Variants in SLC15A2 observed in about 807,000 individuals in gnomAD.
The protein encoded by SLC15A2 is solute carrier family 15 member 2, also known as kidney H(+)/peptide cotransporter.
SLC15A2 carries 77 observed loss-of-function variants against 95.5 expected under a neutral mutation model. The observed-to-expected ratio is 0.81, with a 90% CI of 0.67 to 0.97. The LOEUF is 0.97. SLC15A2 is among the 50% of genes least tolerant of loss of function. The pLI is 0.00. For missense variants in SLC15A2, 893 were observed against 874.4 expected (o/e 1.02, Z -0.27); for synonymous variants, 306 against 306.9 (o/e 1.00, Z 0.03).
At chr3:121,905,892 C>T (rs1436165589) in intron 3 of SLC15A2, among the ~76,000 whole-genome samples, 1 of 152,202 alleles carries the variant, frequency 6.6e-6, no homozygotes, top group South Asian at 2.1e-4. Context: ...AGTTCATGTC[C>T]TGTATATCCT....
intron 3 of SLC15A2, among the ~76,000 whole-genome samples, chr3:121,906,288 C>G (rs1431234587): frequency 6.6e-6 from 1 of 152,202 alleles, no homozygotes; most frequent in East Asian, 1.9e-4. Context: ...ATACAGCACA[C>G]TGATGGGTCT....
At chr3:121,938,093 G>A (rs1394219250) in intron 19 of SLC15A2, among the ~76,000 whole-genome samples, 2 of 151,538 alleles carry the variant, frequency 1.3e-5, no homozygotes, top group East Asian at 3.9e-4. Context: ...CAGGGGTCAG[G>A]GACCCACTTG....
intron 19 of SLC15A2, among the ~76,000 whole-genome samples, chr3:121,936,104 G>C (rs1042179535): frequency 6.6e-6 from 1 of 152,162 alleles, no homozygotes; most frequent in East Asian, 1.9e-4. Flanking sequence ...CTGAGTTCTA[G>C]TTGGATTGAA....
rs1462467546 is a variant in SLC15A2, at chr3:121,925,757, TATATATATATATATATATATATATAA to T, written c.1124+726_1124+751del. 9.2e-4 allele frequency among the ~76,000 whole-genome samples: 78 copies of T among 85,024 alleles called. 3 individuals are homozygous for T. Among genetic ancestry groups the T allele is most frequent in the South Asian group, 1.9e-3 (5 of 2,642 alleles). 55.8% of individuals were successfully genotyped at this position (85,024 alleles called of 152,430 possible). On this transcript the variant is annotated intron_variant, in intron 13 of 21. Coordinates refer to ENST00000489711, the MANE Select transcript of SLC15A2 (RefSeq NM_021082.4). ...ATATATATATATATATATATATATA[TATATATATATATATATATATATATAA>T]AATACAACTACTACACAGGTAAAAT...
chr3:121,907,550 T>C (rs569316899), intron 3 of SLC15A2, among the ~76,000 whole-genome samples: 4 of 152,358 alleles, frequency 2.6e-5, no homozygotes, highest in African/African-American at 9.6e-5. Context: ...GTGGATGTCC[T>C]TTCTGTTGAT....
chr3:121,906,627 T>C (rs1324772511), intron 3 of SLC15A2, among the ~76,000 whole-genome samples: 1 of 152,212 alleles, frequency 6.6e-6, no homozygotes, highest in East Asian at 1.9e-4. Context: ...AAGCTTAGTT[T>C]GGCTGGATAT....
intron 3 of SLC15A2, among the ~76,000 whole-genome samples, chr3:121,901,246 A>T (rs1490243775): frequency 1.3e-5 from 2 of 151,982 alleles, no homozygotes; most frequent in Non-Finnish European, 2.9e-5. Flanking sequence ...CTCGAACTCG[A>T]CCTCAAGTGG....
intron 7 of SLC15A2, among the ~76,000 whole-genome samples, chr3:121,916,021 C>G (rs1274275711): frequency 6.6e-6 from 1 of 152,060 alleles, no homozygotes; most frequent in African/African-American, 2.4e-5. Context: ...ATCCACTGCT[C>G]TACACTACAA....
At chr3:121,935,083 T>C (rs1451752034) in intron 19 of SLC15A2, among the ~76,000 whole-genome samples, 1 of 152,254 alleles carries the variant, frequency 6.6e-6, no homozygotes, top group African/African-American at 2.4e-5. Flanking sequence ...TTTTCGTATA[T>C]TGAACCAGCC....
At position 121,923,068 on chromosome 3, in the gene SLC15A2, T is replaced by A; in HGVS notation, c.896T>A (p.Leu299Gln). The change falls in exon 10 of 22, where the codon CTG becomes CAG. Residue 299 changes from leucine (L) to glutamine (Q), a missense_variant. Physicochemically the swap from Leu to Gln is moderately radical, Grantham distance 113. Transcript: ENST00000489711. ...CAGCTCATTATGGATGTAAAGGCAC[T>A]GACCAGGGTACTATTCCTTTATATC... Reference protein sequence around the residue: ...PKQLIMDVKALTRVLFLYIPL... With the variant: ...PKQLIMDVKAQTRVLFLYIPL... 15 of 1,614,060 alleles carry A rather than the reference T, an allele frequency of 9.3e-6. No individual in the cohort carries two copies. Among genetic ancestry groups the A allele is most frequent in the Non-Finnish European group, 1.3e-5 (15 of 1,179,916 alleles).
chr3:121,937,562 C>A (rs1273187865), intron 19 of SLC15A2, among the ~76,000 whole-genome samples: 3 of 151,372 alleles, frequency 2.0e-5, no homozygotes, highest in Non-Finnish European at 4.4e-5. Context: ...CGCATCGGCT[C>A]CTGAGGCTTC....
At chr3:121,915,720 A>G in intron 7 of SLC15A2, 27 bp downstream of exon 7, 1 of 1,524,530 alleles carries the variant, frequency 6.6e-7, no homozygotes, top group Non-Finnish European at 9.1e-7. Flanking sequence ...AAAGGAAACT[A>G]ATAATCATTG....
chr3:121,928,156 A>C (rs1207451187), intron 14 of SLC15A2: 3 of 541,880 alleles, frequency 5.5e-6, no homozygotes, highest in Non-Finnish European at 9.8e-6. Flanking sequence ...CTTTTGGCAG[A>C]TTGAATAGCC....
chr3:121,932,927 A>G (rs1316012902), intron 19 of SLC15A2, among the ~76,000 whole-genome samples: 2 of 151,920 alleles, frequency 1.3e-5, no homozygotes, highest in South Asian at 2.1e-4. Flanking sequence ...GCACCCCACA[A>G]CAGTCCCCAG....
intron 21 of SLC15A2, 50 bp downstream of exon 21, chr3:121,940,538 A>G (rs1456567134): frequency 6.9e-7 from 1 of 1,439,826 alleles, no homozygotes. Context: ...TTTTTCCTCC[A>G]GCTTTCTCTT....
chr3:121,924,444 C>A, intron 12 of SLC15A2, 61 bp downstream of exon 12: 3 of 1,380,472 alleles, frequency 2.2e-6, no homozygotes, highest in Non-Finnish European at 3.1e-6. Flanking sequence ...CCTCCACCTG[C>A]AGTATTACGA....
chr3:121,917,410 C>A (rs577682663), intron 7 of SLC15A2, among the ~76,000 whole-genome samples: 1 of 152,036 alleles, frequency 6.6e-6, no homozygotes, highest in Non-Finnish European at 1.5e-5. Flanking sequence ...CTTGAGGGAC[C>A]GGGCATAGTG....
intron 12 of SLC15A2, 56 bp from the exon 13 acceptor site, chr3:121,924,889 T>G: frequency 8.0e-7 from 1 of 1,243,104 alleles, no homozygotes; most frequent in Non-Finnish European, 1.2e-6. Flanking sequence ...AGTGCAGTGC[T>G]CACACTCATG....
chr3:121,932,009 C>T (rs184081463), intron 19 of SLC15A2, among the ~76,000 whole-genome samples: 139 of 152,256 alleles, frequency 9.1e-4, no homozygotes, highest in African/African-American at 2.7e-3. Flanking sequence ...AAGTGATTCT[C>T]CTGCCTCAAC....
Sources: allele counts gnomAD v4.1 joint callset (sites outside exome capture counted in the v4.1 genomes callset), GRCh38; gene constraint gnomAD v4.1.1; transcripts MANE v1.5; gene names NCBI Gene and HGNC (gene_info 2026-07-23, HGNC 2026-07-21).